SEC23IP: variants seen among roughly 807,000 people sequenced by gnomAD.
SEC23IP encodes SEC23 interacting protein.
A neutral mutation model predicts 113.4 loss-of-function variants in SEC23IP; 70 were observed. That is an observed-to-expected ratio of 0.62 (90% CI 0.51 to 0.75). The LOEUF (loss-of-function observed/expected upper bound fraction) is 0.75, where lower values mean the gene tolerates loss of function less well. SEC23IP is among the 30% of genes least tolerant of loss of function. The pLI is 0.00. For synonymous variants in SEC23IP, 398 were observed against 421.0 expected (o/e 0.95, Z 0.67); for missense variants, 1,160 against 1,204.9 (o/e 0.96, Z 0.55).
chr10:119,932,363 T>C (rs752137528), intron 16 of SEC23IP, 45 bp downstream of exon 16: 2 of 1,419,938 alleles, frequency 1.4e-6, no homozygotes, highest in South Asian at 2.4e-5. Context: ...ATGTTTCATA[T>C]GAACATAATA....
At chr10:119,939,270 G>A (rs1480250571) in intron 18 of SEC23IP, among the ~76,000 whole-genome samples, 1 of 152,114 alleles carries the variant, frequency 6.6e-6, no homozygotes, top group Non-Finnish European at 1.5e-5. Context: ...AGTGAGCTGT[G>A]ATCGTACCAC....
intron 3 of SEC23IP, 35 bp from the exon 4 acceptor site, chr10:119,904,049 C>G (rs765854202): frequency 6.2e-7 from 1 of 1,602,766 alleles, no homozygotes; most frequent in Non-Finnish European, 8.5e-7. Context: ...ATATGCCTTG[C>G]AGCAGTTAGG....
chr10:119,933,259 C>T, intron 17 of SEC23IP, 92 bp downstream of exon 17: 1 of 994,204 alleles, frequency 1.0e-6, no homozygotes, highest in Non-Finnish European at 1.6e-6. Context: ...TTTACTGATA[C>T]AATGTACTAT....
chr10:119,901,052 G>GC (rs1564905874), intron 2 of SEC23IP, among the ~76,000 whole-genome samples: 1 of 139,844 alleles, frequency 7.2e-6, no homozygotes, highest in African/African-American at 2.7e-5. Context: ...AGTGGGGGGG[G>GC]GGTCTTGCTC....
intron 10 of SEC23IP, 84 bp downstream of exon 10, chr10:119,918,595 A>C: frequency 1.3e-6 from 1 of 756,324 alleles, no homozygotes. Flanking sequence ...TGTTTCTTGA[A>C]ACTTTTGTTT....
At position 119,911,093 on chromosome 10, in the gene SEC23IP, G is replaced by A. The variant is rs986855746; in HGVS notation, c.1192-951G>A. 3.4e-5 allele frequency among the ~76,000 whole-genome samples: 5 copies of A among 147,628 alleles called. No individual in the cohort carries two copies. The East Asian group carries it at 7.9e-4, about 23-fold the overall frequency. ...GTGGTACAGGGCTGAATTTAATACA[G>A]TTGGTTTAACAGAATGGATTTCCTA... is the stretch of plus-strand genomic sequence containing the variant. On this transcript the variant is annotated intron_variant, in intron 5 of 18. Transcript: ENST00000369075.
At chr10:119,902,740 A>G in intron 2 of SEC23IP, 59 bp from the exon 3 acceptor site, 2 of 1,356,776 alleles carry the variant, frequency 1.5e-6, no homozygotes, top group South Asian at 2.4e-5. Context: ...TTGGGTGTGA[A>G]GCATATTCAG....
chr10:119,912,492 A>G, intron 6 of SEC23IP, among the ~76,000 whole-genome samples: 1 of 152,142 alleles, frequency 6.6e-6, no homozygotes, highest in East Asian at 1.9e-4. Flanking sequence ...ATACATATTA[A>G]TGGGGTACAC....
rs1399454262 is a variant in SEC23IP, at chr10:119,906,282, A to AG, written c.1101+2006dup. ...GGGCAACAGAGCAAGACCTTGTCTC[A>AG]GAAAAAAAAAAAAAAAAAAGAAACG... On this transcript the variant is annotated intron_variant, in intron 4 of 18. Coordinates refer to ENST00000369075, the MANE Select transcript of SEC23IP (RefSeq NM_007190.4). Among the ~76,000 whole-genome samples, 5 of 63,668 alleles carry AG rather than the reference A, an allele frequency of 7.9e-5. No homozygotes were observed. In the East Asian group the frequency reaches 3.4e-3, roughly 44 times the overall value. 41.8% of individuals were successfully genotyped at this position (63,668 alleles called of 152,430 possible).
chr10:119,919,051 T>C (rs1389126241), intron 10 of SEC23IP, among the ~76,000 whole-genome samples: 1 of 150,180 alleles, frequency 6.7e-6, no homozygotes, highest in African/African-American at 2.5e-5. Flanking sequence ...TAGAGTGCAA[T>C]GGTGTGATCT....
chr10:119,905,769 T>C (rs935716968), intron 4 of SEC23IP, among the ~76,000 whole-genome samples: 2 of 152,156 alleles, frequency 1.3e-5, no homozygotes, highest in African/African-American at 4.8e-5. Context: ...ACAAGAGTTT[T>C]TTTGCAAGTC....
Position 119,932,270 on chromosome 10 carries a change from A to G in SEC23IP, c.2710A>G (p.Lys904Glu), listed in dbSNP as rs376585781. Residue 904 changes from lysine (K) to glutamate (E), a missense_variant, in exon 16 of 19, where the codon AAG becomes GAG. Transcript: ENST00000369075. ...AACCCAGTTGCAAGAAGAATTGGAG[A>G]AGGTGGCCAATCAGATCAAAGAAGA... is the stretch of plus-strand genomic sequence containing the variant. ...SSTQLQEELE[K>E]VANQIKEEEE... 2 of 1,614,104 alleles carry G rather than the reference A, an allele frequency of 1.2e-6. No individual in the cohort carries two copies. Among genetic ancestry groups the G allele is most frequent in the South Asian group, 1.1e-5 (1 of 91,078 alleles).
intron 2 of SEC23IP, among the ~76,000 whole-genome samples, chr10:119,902,130 G>T (rs948910144): frequency 6.6e-6 from 1 of 152,182 alleles, no homozygotes; most frequent in African/African-American, 2.4e-5. Flanking sequence ...GTCAAGGCGG[G>T]CTGGTCACTT....
At chr10:119,938,714 G>C (rs1441130305) in intron 18 of SEC23IP, among the ~76,000 whole-genome samples, 25 of 152,066 alleles carry the variant, frequency 1.6e-4, no homozygotes, top group Non-Finnish European at 3.4e-4. Flanking sequence ...AACAAAGCAA[G>C]ACAAACAAAA....
intron 12 of SEC23IP, among the ~76,000 whole-genome samples, chr10:119,923,326 C>T (rs538428979): frequency 8.6e-5 from 13 of 151,876 alleles, no homozygotes; most frequent in Non-Finnish European, 1.8e-4. Flanking sequence ...TAACAAGGTG[C>T]TACTAGATCA....
intron 3 of SEC23IP, 86 bp from the exon 4 acceptor site, chr10:119,903,998 G>A: frequency 2.1e-6 from 3 of 1,414,800 alleles, no homozygotes; most frequent in African/African-American, 1.4e-5. Context: ...GGGATTACAG[G>A]CATGAGCCAC....
At chr10:119,896,656 C>T (rs772609300) in intron 1 of SEC23IP, among the ~76,000 whole-genome samples, 1 of 152,042 alleles carries the variant, frequency 6.6e-6, no homozygotes, top group Admixed American at 6.6e-5. Flanking sequence ...AGAAAGTGCC[C>T]CTGAGGTGAG....
chr10:119,906,810 A>T (rs1259015364), intron 4 of SEC23IP, among the ~76,000 whole-genome samples: 5 of 152,042 alleles, frequency 3.3e-5, no homozygotes, highest in Admixed American at 2.6e-4. Context: ...TCCTGACCTC[A>T]GGTGGTCCAC....
chr10:119,908,454 G>T (rs1854751751), intron 4 of SEC23IP, among the ~76,000 whole-genome samples: 1 of 152,158 alleles, frequency 6.6e-6, no homozygotes, highest in Non-Finnish European at 1.5e-5. Flanking sequence ...TGGAAATAGG[G>T]TCATTGCAGA....
Sources: allele counts gnomAD v4.1 joint callset (sites outside exome capture counted in the v4.1 genomes callset), GRCh38; gene constraint gnomAD v4.1.1; transcripts MANE v1.5; gene names NCBI Gene and HGNC (gene_info 2026-07-23, HGNC 2026-07-21).